The following CA10 variants were observed in gnomAD, a reference collection of about 807,000 sequenced individuals.
CA10 encodes the protein carbonic anhydrase-related protein 10.
A neutral mutation model predicts 44.2 loss-of-function variants in CA10; 14 were observed. The observed-to-expected ratio is 0.32, with a 90% CI of 0.21 to 0.50. The LOEUF is 0.50. Ranked by LOEUF, CA10 falls within the 20% of genes least tolerant of loss-of-function variation. The probability of loss-of-function intolerance (pLI) is 0.99; values close to 1 mark genes in which losing one functional copy is unlikely to be tolerated. For missense variants in CA10, 350 were observed against 409.7 expected, an observed-to-expected ratio of 0.85 and a Z score of 1.26; for synonymous variants, 159 against 141.6, an observed-to-expected ratio of 1.12 and a Z score of -0.87.
chr17:51,708,030 T>C (rs1915815874), intron 4 of CA10, among the ~76,000 whole-genome samples: 1 of 152,186 alleles, frequency 6.6e-6, no homozygotes, highest in Non-Finnish European at 1.5e-5. Context: ...GAGTGGAAGA[T>C]GGCACTAAAA....
At chr17:52,054,023 GAAC>G (rs1364206379) in intron 2 of CA10, among the ~76,000 whole-genome samples, 1 of 152,018 alleles carries the variant, frequency 6.6e-6, no homozygotes, top group African/African-American at 2.4e-5. Flanking sequence ...ATGTGTGTTT[GAAC>G]AATATGAAAT....
In CA10 at chr17:52,112,058, A is replaced by C. The variant is rs146797727; in HGVS notation, c.62-39665T>G. ...TCATCACCCTCATGAAGTCAAGGAAATGAATGCCTAAAGACTAGTTGTTGA... is the reference window on the plus strand; with the variant it reads ...TCATCACCCTCATGAAGTCAAGGAACTGAATGCCTAAAGACTAGTTGTTGA... On this transcript the variant is annotated intron_variant, in intron 1 of 8. Transcript: ENST00000451037. Among the ~76,000 whole-genome samples the C allele has an allele frequency of 6.9e-3, 1,043 of 152,258 alleles. 29 individuals carry two copies. The highest frequency in any genetic ancestry group is 4.7e-3 in the Non-Finnish European group (319 of 68,000).
chr17:51,901,522 C>T (rs999784907), intron 3 of CA10, among the ~76,000 whole-genome samples: 3 of 152,212 alleles, frequency 2.0e-5, no homozygotes, highest in Middle Eastern at 3.4e-3. Flanking sequence ...ATGGGGTACA[C>T]GTGTTGGCTA....
chr17:51,939,276 A>G (rs1177865775), intron 2 of CA10, among the ~76,000 whole-genome samples: 1 of 152,132 alleles, frequency 6.6e-6, no homozygotes. Context: ...TACAGTTTGA[A>G]TGCACTTCAC....
intron 1 of CA10, among the ~76,000 whole-genome samples, chr17:52,136,564 G>A (rs559699606): frequency 5.5e-4 from 84 of 152,318 alleles, no homozygotes; most frequent in Middle Eastern, 3.4e-3. Flanking sequence ...GGAGTGAGGG[G>A]TGGTATCTGT....
intron 3 of CA10, among the ~76,000 whole-genome samples, chr17:51,893,683 C>T (rs187602676): frequency 1.3e-5 from 2 of 152,174 alleles, no homozygotes; most frequent in East Asian, 3.9e-4. Flanking sequence ...ACAATAGACA[C>T]CATGAAGAAT....
rs892658781 is a variant in CA10 at position 51,969,973 on chromosome 17, C to T, written c.137-38841G>A. 2.6e-5 allele frequency among the ~76,000 whole-genome samples: 4 copies of T among 151,920 alleles called. No individual in the cohort carries two copies. The East Asian group carries it at 5.8e-4, about 22-fold the overall frequency. ...TCTAACTGCAGTGAAATGACCAAGG[C>T]GTATGGAGTTACTGAGTGAGCTGTT... is the stretch of plus-strand genomic sequence containing the variant. On this transcript the variant is annotated intron_variant, in intron 2 of 8. Coordinates refer to ENST00000451037, the MANE Select transcript of CA10 (RefSeq NM_020178.5).
intron 2 of CA10, among the ~76,000 whole-genome samples, chr17:51,964,823 C>G (rs1223193170): frequency 2.0e-5 from 3 of 151,854 alleles, no homozygotes; most frequent in Non-Finnish European, 4.4e-5. Flanking sequence ...AATTAGTGAT[C>G]TATCATTGTA....
At chr17:51,861,162 C>T (rs917907484) in intron 3 of CA10, among the ~76,000 whole-genome samples, 4 of 152,090 alleles carry the variant, frequency 2.6e-5, no homozygotes, top group African/African-American at 7.2e-5. Flanking sequence ...AAGGAGACTG[C>T]GAGGCCAGAG....
At chr17:51,835,526 C>T (rs1248172233) in intron 3 of CA10, among the ~76,000 whole-genome samples, 2 of 152,200 alleles carry the variant, frequency 1.3e-5, no homozygotes, top group Non-Finnish European at 2.9e-5. Flanking sequence ...TCAGTATAGG[C>T]ACTGAAAGCA....
At chr17:52,012,716 CTAAT>C (rs920767450) in intron 2 of CA10, among the ~76,000 whole-genome samples, 2 of 151,810 alleles carry the variant, frequency 1.3e-5, no homozygotes, top group Admixed American at 6.6e-5. Flanking sequence ...TTAACATTTT[CTAAT>C]TAATTGTCTA....
intron 1 of CA10, among the ~76,000 whole-genome samples, chr17:52,139,256 C>T (rs1363734495): frequency 1.3e-5 from 2 of 152,146 alleles, no homozygotes; most frequent in Non-Finnish European, 2.9e-5. Context: ...TGGATGCACC[C>T]CTCAGTGATT....
At chr17:51,695,108 C>G (rs1915356552) in intron 4 of CA10, among the ~76,000 whole-genome samples, 1 of 152,050 alleles carries the variant, frequency 6.6e-6, no homozygotes, top group Non-Finnish European at 1.5e-5. Flanking sequence ...CAGCTTTGTT[C>G]TTTTTGCTTA....
intron 4 of CA10, among the ~76,000 whole-genome samples, chr17:51,727,219 G>A (rs1916555821): frequency 6.6e-6 from 1 of 152,132 alleles, no homozygotes; most frequent in African/African-American, 2.4e-5. Flanking sequence ...GCATTTGTCG[G>A]GGGTGAGGAG....
chr17:52,139,387 C>T (rs972717681), intron 1 of CA10, among the ~76,000 whole-genome samples: 1 of 151,966 alleles, frequency 6.6e-6, no homozygotes, highest in Non-Finnish European at 1.5e-5. Flanking sequence ...GCCTCATTCG[C>T]CTCTGCATTA....
chr17:52,155,742 T>C (rs1989790653), intron 1 of CA10, among the ~76,000 whole-genome samples: 1 of 152,248 alleles, frequency 6.6e-6, no homozygotes, highest in African/African-American at 2.4e-5. Flanking sequence ...GTTTTCTGTG[T>C]TTAGCTAATA....
chr17:52,074,366 A>G (rs1355596884), intron 1 of CA10, among the ~76,000 whole-genome samples: 1 of 152,230 alleles, frequency 6.6e-6, no homozygotes, highest in African/African-American at 2.4e-5. Context: ...GCATTGAACT[A>G]TAAACATCAC....
At chr17:51,791,947 G>A (rs1311994571) in intron 3 of CA10, among the ~76,000 whole-genome samples, 1 of 152,052 alleles carries the variant, frequency 6.6e-6, no homozygotes, top group Non-Finnish European at 1.5e-5. Flanking sequence ...GCGTATTTCT[G>A]TTCTATTAGA....
intron 3 of CA10, among the ~76,000 whole-genome samples, chr17:51,897,654 G>A (rs931070542): frequency 4.6e-5 from 7 of 152,084 alleles, no homozygotes; most frequent in African/African-American, 1.4e-4. Context: ...ATTGCTCTGG[G>A]CATTATGGCC....
Sources: allele counts gnomAD v4.1 joint callset (sites outside exome capture counted in the v4.1 genomes callset), GRCh38; gene constraint gnomAD v4.1.1; transcripts MANE v1.5; gene names NCBI Gene and HGNC (gene_info 2026-07-23, HGNC 2026-07-21).